Variants in ESYT3 observed in about 807,000 individuals in gnomAD.
ESYT3 encodes extended synaptotagmin 3.
Under a neutral mutation model 111.5 loss-of-function variants are expected in ESYT3, and 101 were observed. The observed-to-expected ratio is 0.91, with a 90% CI of 0.77 to 1.07. The LOEUF is 1.07. Among genes scored for constraint, ESYT3 ranks in the 50% least tolerant of loss-of-function variants. The pLI, the probability that ESYT3 is intolerant of heterozygous loss-of-function variation, is 0.00. For missense variants in ESYT3, 1,097 were observed against 1,109.4 expected (o/e 0.99, Z 0.16); for synonymous variants, 416 against 446.8 (o/e 0.93, Z 0.87).
At chr3:138,463,041 C>T (rs531183062) in intron 8 of ESYT3, among the ~76,000 whole-genome samples, 1 of 152,074 alleles carries the variant, frequency 6.6e-6, no homozygotes, top group East Asian at 1.9e-4. Context: ...CCCCTTTCTT[C>T]GATAGATGGC....
chr3:138,468,638 T>C lies in ESYT3; in HGVS notation c.1309-17T>C, dbSNP rs770031605. 1.7e-5 allele frequency: 28 copies of C among 1,613,620 alleles called. No homozygotes were observed. The highest frequency in any genetic ancestry group is 1.9e-5 in the Non-Finnish European group (22 of 1,179,808). On this transcript the variant is annotated splice_polypyrimidine_tract_variant and intron_variant, in intron 12 of 22. Transcript: ENST00000389567. Reference sequence around the variant, plus strand: ...TGCTGCTGGGAGTACCCAGTGAGGGTCTGTGTCTGTTTGCAGGACCATGGT... The same window carrying C: ...TGCTGCTGGGAGTACCCAGTGAGGGCCTGTGTCTGTTTGCAGGACCATGGT...
intron 1 of ESYT3, among the ~76,000 whole-genome samples, chr3:138,451,842 G>A (rs774016): frequency 0.98 from 148,455 of 151,780 alleles, 72,626 homozygotes; most frequent in East Asian, 1. Flanking sequence ...ATAGTGCGCT[G>A]TTTGAGGGCA....
At chr3:138,457,488 G>T in intron 3 of ESYT3, 80 bp from the exon 4 acceptor site, 1 of 1,265,800 alleles carries the variant, frequency 7.9e-7, no homozygotes, top group South Asian at 1.2e-5. Context: ...TGCTGACAAA[G>T]CCCAGTGCCG....
At chr3:138,463,542 C>G (rs147303618) in intron 8 of ESYT3, among the ~76,000 whole-genome samples, 2 of 152,128 alleles carry the variant, frequency 1.3e-5, no homozygotes, top group Non-Finnish European at 1.5e-5. Context: ...ATTGATGGAC[C>G]ATTATGTTGT....
chr3:138,474,417 T>A (rs1197829408), intron 20 of ESYT3, 65 bp downstream of exon 20: 2 of 1,513,730 alleles, frequency 1.3e-6, no homozygotes, highest in Non-Finnish European at 1.8e-6. Context: ...GTACCTGTTA[T>A]GTTGCCTGGC....
chr3:138,460,411 C>T lies in ESYT3; in HGVS notation c.739-200C>T, dbSNP rs1035400487. On this transcript the variant is annotated intron_variant, in intron 6 of 22. Transcript: ENST00000389567. ...GAGCTGAGGCCTGGGCCCTCGATAC[C>T]GCTAGATGCCTGAGCTGGGCTGGGG... 5.9e-5 allele frequency among the ~76,000 whole-genome samples: 9 copies of T among 152,188 alleles called. 1 individual carries two copies. The highest frequency in any genetic ancestry group is 5.9e-4 in the Admixed American group (9 of 15,284).
chr3:138,471,102 T>A, intron 17 of ESYT3, 76 bp downstream of exon 17: 1 of 1,215,314 alleles, frequency 8.2e-7, no homozygotes, highest in Non-Finnish European at 1.2e-6. Context: ...GCCCCAGCAC[T>A]AAGCACCTGC....
chr3:138,439,918 G>A (rs991815121), intron 1 of ESYT3, among the ~76,000 whole-genome samples: 6 of 152,194 alleles, frequency 3.9e-5, no homozygotes, highest in Non-Finnish European at 7.3e-5. Context: ...CAGTTAACTC[G>A]TGTGTGTCTG....
At chr3:138,444,003 A>G (rs1422360075) in intron 1 of ESYT3, among the ~76,000 whole-genome samples, 4 of 152,016 alleles carry the variant, frequency 2.6e-5, no homozygotes, top group Non-Finnish European at 5.9e-5. Flanking sequence ...CTGTGGAATC[A>G]TTTTTCCTAG....
intron 1 of ESYT3, among the ~76,000 whole-genome samples, chr3:138,437,015 C>T (rs2030756809): frequency 6.6e-6 from 1 of 152,078 alleles, no homozygotes; most frequent in Admixed American, 6.6e-5. Context: ...GATACAGACC[C>T]CAGGAGCAAT....
In ESYT3 at chr3:138,459,216, A is replaced by G; in HGVS notation, c.611A>G (p.Glu204Gly). The change falls in exon 5 of 23, where the codon GAG (glutamate) becomes GGG (glycine). Residue 204 changes from glutamate to glycine, a missense_variant. Glu to Gly is a moderately conservative substitution (Grantham distance 98, BLOSUM62 -2). Coordinates refer to ENST00000389567, the MANE Select transcript of ESYT3 (RefSeq NM_031913.5). The part of the protein sequence containing the change: ...CYIGDCEISV[E>G]LQKIQAGVNG... ...ATCGGGGACTGTGAGATCAGTGTGG[A>G]GCTGCAGAAGATTCAGGCTGGTGTG... 6.4e-7 allele frequency: 1 copy of G among 1,557,666 alleles called. No individual in the cohort carries two copies.
chr3:138,438,248 A>G (rs1349267046), intron 1 of ESYT3, among the ~76,000 whole-genome samples: 1 of 152,176 alleles, frequency 6.6e-6, no homozygotes, highest in Non-Finnish European at 1.5e-5. Context: ...TTTGGTATCA[A>G]GAAATATTTC....
In ESYT3 at chr3:138,455,199, C is replaced by T; in HGVS notation, c.375C>T (p.Ile125=). ...VERVEWANKI[I]SQTWPYLSMI... ...GCCTCTTCCCGTCTTCACAGATCAT[C>T]TCTCAGACCTGGCCCTACCTAAGCA... is the stretch of plus-strand genomic sequence containing the variant. The change falls in exon 3 of 23, where the codon ATC becomes ATT. Residue 125 remains isoleucine, a synonymous_variant. Coordinates refer to ENST00000389567, the MANE Select transcript of ESYT3 (RefSeq NM_031913.5). The T allele has an allele frequency of 6.2e-7, 1 of 1,614,208 alleles. No homozygotes were observed. Among genetic ancestry groups the T allele is most frequent in the Non-Finnish European group, 8.5e-7 (1 of 1,180,018 alleles).
At chr3:138,464,252 G>T (rs1338838144) in intron 8 of ESYT3, 93 bp from the exon 9 acceptor site, 8 of 1,421,174 alleles carry the variant, frequency 5.6e-6, no homozygotes, top group Admixed American at 3.6e-5. Flanking sequence ...CAATATGGGG[G>T]CAGCAGTGAT....
intron 17 of ESYT3, among the ~76,000 whole-genome samples, chr3:138,471,362 A>G (rs1354170453): frequency 6.6e-6 from 1 of 152,160 alleles, no homozygotes; most frequent in African/African-American, 2.4e-5. Flanking sequence ...CTCAAGAGCT[A>G]TCTTCCAGGC....
chr3:138,455,960 C>T (rs982169691), intron 3 of ESYT3, among the ~76,000 whole-genome samples: 3 of 152,188 alleles, frequency 2.0e-5, no homozygotes, highest in African/African-American at 7.2e-5. Flanking sequence ...TTTGATCATC[C>T]AAAATGTATC....
At chr3:138,443,685 G>T (rs2031321786) in intron 1 of ESYT3, among the ~76,000 whole-genome samples, 1 of 151,888 alleles carries the variant, frequency 6.6e-6, no homozygotes, top group Admixed American at 6.6e-5. Context: ...GGATGTGTCT[G>T]TTTAGTTTGT....
Position 138,435,210 on chromosome 3 carries a change from C to A in ESYT3, c.327+85C>A. On this transcript the variant is annotated intron_variant, in intron 1 of 22. Coordinates refer to ENST00000389567, the MANE Select transcript of ESYT3 (RefSeq NM_031913.5). This position sits in a 1 kb window ranked among gnomAD's most constrained non-coding sequence, Gnocchi z 4.8. ...TTGCGGTCAGCGGGGAGCTGGTGCGCGCAAACCCGAGGCAGGGCGGGAGCC... is the reference window on the plus strand; with the variant it reads ...TTGCGGTCAGCGGGGAGCTGGTGCGAGCAAACCCGAGGCAGGGCGGGAGCC... 1 of 1,342,154 alleles carries A rather than the reference C, an allele frequency of 7.5e-7. No homozygotes were observed. The highest frequency in any genetic ancestry group is 1.0e-6 in the Non-Finnish European group (1 of 1,001,692). 83.1% of individuals were successfully genotyped at this position (1,342,154 alleles called of 1,614,324 possible).
chr3:138,442,210 A>G (rs911063369), intron 1 of ESYT3, among the ~76,000 whole-genome samples: 1 of 152,094 alleles, frequency 6.6e-6, no homozygotes, highest in African/African-American at 2.4e-5. Context: ...GCATTTTATA[A>G]TCCCTCCACC....
Sources: allele counts gnomAD v4.1 joint callset (sites outside exome capture counted in the v4.1 genomes callset), GRCh38; gene constraint gnomAD v4.1.1; non-coding constraint Gnocchi (gnomAD v3.1); transcripts MANE v1.5; gene names NCBI Gene and HGNC (gene_info 2026-07-23, HGNC 2026-07-21).